The following ROBO2 variants were observed in gnomAD, a reference collection of about 807,000 sequenced individuals.
ROBO2 encodes the protein roundabout homolog 2.
ROBO2 carries 53 observed loss-of-function variants against 160.8 expected under a neutral mutation model. The observed-to-expected ratio is 0.33, with a 90% CI of 0.26 to 0.41. The LOEUF (loss-of-function observed/expected upper bound fraction) is 0.41, where lower values mean the gene tolerates loss of function less well. Among genes scored for constraint, ROBO2 ranks in the 10% least tolerant of loss-of-function variants. The probability of loss-of-function intolerance (pLI) is 1.00; values close to 1 mark genes in which losing one functional copy is unlikely to be tolerated. For synonymous variants in ROBO2, 664 were observed against 611.7 expected (o/e 1.09, Z -1.26); for missense variants, 1,577 against 1,722.4 (o/e 0.92, Z 1.49).
chr3:76,295,143 A>G (rs1709002042), intron 2 of ROBO2, among the ~76,000 whole-genome samples: 1 of 152,192 alleles, frequency 6.6e-6, no homozygotes. Context: ...GAATTCATTG[A>G]CTTTGACTCC....
intron 2 of ROBO2, among the ~76,000 whole-genome samples, chr3:76,888,086 A>G (rs2074049005): frequency 6.6e-6 from 1 of 152,180 alleles, no homozygotes; most frequent in African/African-American, 2.4e-5. Context: ...TTAAGTATTG[A>G]GCCGGGCACA....
intron 1 of ROBO2, among the ~76,000 whole-genome samples, chr3:77,041,754 T>C (rs1406277422): frequency 6.6e-6 from 1 of 152,196 alleles, no homozygotes; most frequent in African/African-American, 2.4e-5. Context: ...TTCTAGAGGC[T>C]TTAATTTTTA....
intron 2 of ROBO2, among the ~76,000 whole-genome samples, chr3:76,341,419 TAAAAAAAAAAAA>T (rs71277587): frequency 1.1e-4 from 5 of 44,240 alleles, no homozygotes; most frequent in Admixed American, 7.9e-4. Flanking sequence ...TTTTAAAGCG[TAAAAAAAAAAAA>T]AAAAAAAAAA....
intron 2 of ROBO2, among the ~76,000 whole-genome samples, chr3:77,146,422 A>G (rs1341193088): frequency 5.3e-5 from 8 of 151,970 alleles, no homozygotes; most frequent in African/African-American, 1.9e-4. Context: ...CATGGAAATC[A>G]TTTTTTTCCC....
At chr3:77,234,992 G>C (rs62249663) in intron 2 of ROBO2, among the ~76,000 whole-genome samples, 20 of 151,988 alleles carry the variant, frequency 1.3e-4, no homozygotes, top group Admixed American at 1.3e-3. Context: ...TAATTTTAGC[G>C]TACAAAAGTG....
chr3:77,031,360 T>G (rs772863121), intron 2 of ROBO2, among the ~76,000 whole-genome samples: 2 of 151,054 alleles, frequency 1.3e-5, no homozygotes, highest in African/African-American at 2.4e-5. Context: ...AACACACTTT[T>G]CTCTTTTTTC....
intron 21 of ROBO2, among the ~76,000 whole-genome samples, chr3:77,609,109 C>T (rs1259438812): frequency 3.3e-5 from 5 of 151,630 alleles, no homozygotes; most frequent in South Asian, 2.1e-4. Context: ...TACACACATA[C>T]GCGAATATTT....
intron 16 of ROBO2, among the ~76,000 whole-genome samples, chr3:77,587,610 G>A (rs2094086172): frequency 1.3e-5 from 2 of 151,960 alleles, no homozygotes; most frequent in South Asian, 4.1e-4. Flanking sequence ...AGGGGCTCTA[G>A]AAGATTTAGT....
intron 2 of ROBO2, among the ~76,000 whole-genome samples, chr3:76,738,899 T>A (rs1439014529): frequency 6.6e-6 from 1 of 152,118 alleles, no homozygotes; most frequent in African/African-American, 2.4e-5. Context: ...TAAAATTTGA[T>A]AGGGCAGGAA....
intron 2 of ROBO2, among the ~76,000 whole-genome samples, chr3:76,503,505 T>C (rs1560056850): frequency 1.3e-5 from 2 of 152,204 alleles, no homozygotes; most frequent in Admixed American, 6.5e-5. Context: ...TGAACTCCCA[T>C]GTTCATTGCA....
intron 2 of ROBO2, among the ~76,000 whole-genome samples, chr3:77,286,566 T>TG (rs1257549108): frequency 3.9e-5 from 3 of 76,568 alleles, no homozygotes; most frequent in Non-Finnish European, 1.2e-4. Flanking sequence ...TATGGAGCAG[T>TG]TTTTTAAAAG....
chr3:76,955,974 C>A (rs2079226907), intron 2 of ROBO2, among the ~76,000 whole-genome samples: 1 of 151,844 alleles, frequency 6.6e-6, no homozygotes, highest in Non-Finnish European at 1.5e-5. Context: ...TGGAATGTGG[C>A]CTTAACCCAC....
rs145115983 is a variant in ROBO2 at position 76,976,374 on chromosome 3, A to G, written c.110-121640A>G. On this transcript the variant is annotated intron_variant, in intron 2 of 26. Coordinates refer to the ROBO2 transcript ENST00000487694. ...TTTTCACATAAGCCCACAGATGCTC[A>G]TTGTCATCAACGTAATTTTTGTTTG... Among the ~76,000 whole-genome samples the G allele has an allele frequency of 1.8e-3, 275 of 152,306 alleles. 1 individual carries two copies. Among genetic ancestry groups the G allele is most frequent in the African/African-American group, 6.4e-3 (264 of 41,566 alleles).
Position 76,311,771 on chromosome 3 carries a change from T to C in ROBO2, c.109+374169T>C, listed in dbSNP as rs1047622364. Among the ~76,000 whole-genome samples the C allele has an allele frequency of 3.9e-5, 6 of 152,184 alleles. No individual in the cohort carries two copies. In the East Asian group the frequency reaches 5.8e-4, roughly 15 times the overall value. On this transcript the variant is annotated intron_variant, in intron 2 of 26. Transcript: ENST00000487694. ...GTTCTGAATATGCTAGATCCCTGAATTGTTGGCAGATTTTGTGAACTGATC... is the reference window on the plus strand; with the variant it reads ...GTTCTGAATATGCTAGATCCCTGAACTGTTGGCAGATTTTGTGAACTGATC...
intron 2 of ROBO2, among the ~76,000 whole-genome samples, chr3:76,937,880 AC>A (rs1159310278): frequency 1.3e-5 from 2 of 152,212 alleles, no homozygotes; most frequent in African/African-American, 4.8e-5. Context: ...CCCTCTACCT[AC>A]CCATACGTAT....
intron 2 of ROBO2, among the ~76,000 whole-genome samples, chr3:76,621,007 C>A (rs1017443193): frequency 6.6e-6 from 1 of 152,150 alleles, no homozygotes; most frequent in Non-Finnish European, 1.5e-5. Flanking sequence ...GCACGGCTGA[C>A]TCTGTTGCGA....
chr3:76,164,839 AG>A lies in ROBO2; in HGVS notation c.109+227238del, dbSNP rs374534410. 9.2e-5 allele frequency among the ~76,000 whole-genome samples: 12 copies of A among 130,780 alleles called. No homozygotes were observed. In the East Asian group the frequency reaches 2.2e-3, roughly 24 times the overall value. The allele number at this position is 130,780 out of a possible 152,430, so 85.8% of individuals were successfully genotyped here. On this transcript the variant is annotated intron_variant, in intron 2 of 26. Transcript: ENST00000487694. ...TCACCAGCTGCATTAGCCCCTACAA[AG>A]AAATGCCTGGGGCCTGGCTGGGACT... is the stretch of plus-strand genomic sequence containing the variant.
intron 5 of ROBO2, among the ~76,000 whole-genome samples, chr3:77,516,122 G>T (rs549780813): frequency 6.6e-6 from 1 of 151,452 alleles, no homozygotes; most frequent in South Asian, 2.1e-4. Flanking sequence ...AGACTTTAAT[G>T]AAGTTCTTTG....
intron 2 of ROBO2, among the ~76,000 whole-genome samples, chr3:76,695,352 ATTGT>A (rs1467562481): frequency 1.3e-5 from 2 of 151,982 alleles, no homozygotes; most frequent in Non-Finnish European, 2.9e-5. Flanking sequence ...ACACACTAAA[ATTGT>A]TTGTTTCTTA....
Sources: gnomAD v4.1 joint callset for allele counts (sites outside exome capture counted in the v4.1 genomes callset) on GRCh38, gnomAD v4.1.1 for gene constraint, MANE v1.5 for transcripts, NCBI Gene and HGNC (gene_info 2026-07-23, HGNC 2026-07-21) for gene names.